Variants in NUP205 observed in about 807,000 individuals in gnomAD.
NUP205 encodes nucleoporin 205, also known as nuclear pore complex protein Nup205.
NUP205 carries 76 observed loss-of-function variants against 253.8 expected under a neutral mutation model. That is an observed-to-expected ratio of 0.30 (90% CI 0.25 to 0.36). The LOEUF (loss-of-function observed/expected upper bound fraction) is 0.36. NUP205 is among the 10% of genes least tolerant of loss of function. The pLI is 1.00. For missense variants in NUP205, 2,162 were observed against 2,425.5 expected, an observed-to-expected ratio of 0.89 and a Z score of 2.28; for synonymous variants, 832 against 850.1, an observed-to-expected ratio of 0.98 and a Z score of 0.37.
rs1794407965 is a variant in NUP205, at chr7:135,618,617, T to TA, written c.3963+18dup. On this transcript the variant is annotated intron_variant, in intron 28 of 42. Transcript: ENST00000285968. Reference sequence around the variant, plus strand: ...GTGCATGATAAGGTGACGTACTTCCTAAAATACTTTATACTGCTGAACGAA... The same window carrying TA: ...GTGCATGATAAGGTGACGTACTTCCTAAAAATACTTTATACTGCTGAACGAA... 6.4e-7 allele frequency: 1 copy of TA among 1,553,530 alleles called. No individual in the cohort carries two copies. Among genetic ancestry groups the TA allele is most frequent in the Admixed American group, 1.9e-5 (1 of 52,884 alleles).
In NUP205 at chr7:135,646,162, C is replaced by T. The variant is rs577788466; in HGVS notation, c.5817C>T (p.Ser1939=). The change falls in exon 42 of 43, where the codon TCC becomes TCT. Residue 1939 remains serine, a synonymous_variant. Transcript: ENST00000285968. The part of the protein sequence containing the change: ...TLFKSRRLQD[S]FASETNLDFR... Reference sequence around the variant, plus strand: ...ACTCTGTTTTTTTATCTCTAGATTCCTTCGCCTCAGAAACCAATCTAGATT... The same window carrying T: ...ACTCTGTTTTTTTATCTCTAGATTCTTTCGCCTCAGAAACCAATCTAGATT... 1.9e-6 allele frequency: 3 copies of T among 1,611,994 alleles called. No homozygotes were observed. The highest frequency in any genetic ancestry group is 1.7e-4 in the Middle Eastern group (1 of 6,058).
Position 135,648,495 on chromosome 7 carries a change from A to G in NUP205, c.5978A>G (p.Tyr1993Cys), listed in dbSNP as rs575747192. The stretch of plus-strand genomic sequence containing the variant: ...TTATATTCAAAAGTTCGATCTCGAT[A>G]TAGTTTCATACAGGCTCTTGTCAGA... ...EGLYSKVRSR[Y>C]SFIQALVRRI... Residue 1993 changes from tyrosine (Y) to cysteine (C), a missense_variant, in exon 43 of 43, where the codon TAT (tyrosine) becomes TGT (cysteine). Physicochemically the swap from Tyr to Cys is radical, Grantham distance 194. Coordinates refer to ENST00000285968, the MANE Select transcript of NUP205 (RefSeq NM_015135.3). 1.2e-6 allele frequency: 2 copies of G among 1,606,968 alleles called. No individual in the cohort carries two copies. Among genetic ancestry groups the G allele is most frequent in the South Asian group, 1.1e-5 (1 of 89,914 alleles).
At chr7:135,581,132 T>G (rs1806292736) in intron 7 of NUP205, among the ~76,000 whole-genome samples, 2 of 152,194 alleles carry the variant, frequency 1.3e-5, no homozygotes, top group East Asian at 3.8e-4. Flanking sequence ...GCAGAAATGG[T>G]CACTTCTTGA....
chr7:135,591,607 A>C lies in NUP205; in HGVS notation c.1624+7A>C. On this transcript the variant is annotated splice_region_variant and intron_variant, in intron 11 of 42. Coordinates refer to ENST00000285968, the MANE Select transcript of NUP205 (RefSeq NM_015135.3). ...GTCAATGGTAGTAGTCATGGTAAGG[A>C]ATATGTGGATGTTGTTAAAGTTTGT... The C allele has an allele frequency of 6.2e-7, 1 of 1,608,258 alleles. No individual in the cohort carries two copies. Among genetic ancestry groups the C allele is most frequent in the East Asian group, 2.2e-5 (1 of 44,832 alleles).
chr7:135,587,816 C>T, intron 9 of NUP205, 39 bp from the exon 10 acceptor site: 1 of 1,576,486 alleles, frequency 6.3e-7, no homozygotes, highest in Non-Finnish European at 8.6e-7. Flanking sequence ...ATTTTTCAGT[C>T]ATAGACATTT....
At chr7:135,581,938 T>G (rs1311139562) in intron 7 of NUP205, among the ~76,000 whole-genome samples, 1 of 152,208 alleles carries the variant, frequency 6.6e-6, no homozygotes, top group Non-Finnish European at 1.5e-5. Context: ...TTTTAGGCAT[T>G]GAAACTCAAT....
chr7:135,603,111 A>G, intron 18 of NUP205, 117 bp downstream of exon 18: 1 of 485,926 alleles, frequency 2.1e-6, no homozygotes, highest in Non-Finnish European at 3.1e-6. Context: ...GCCTCATTTT[A>G]CTTTTTTTTT....
Position 135,648,485 on chromosome 7 carries a change from C to A in NUP205, c.5968C>A (p.Arg1990=), listed in dbSNP as rs1224018943. The part of the protein sequence containing the change: ...LDIEGLYSKV[R]SRYSFIQALV... ...CATTGAAGGATTATATTCAAAAGTT[C>A]GATCTCGATATAGTTTCATACAGGC... The change falls in exon 43 of 43, where the codon CGA becomes AGA. Residue 1990 remains arginine, a synonymous_variant. Transcript: ENST00000285968. 3 of 1,607,248 alleles carry A rather than the reference C, an allele frequency of 1.9e-6. No homozygotes were observed. The highest frequency in any genetic ancestry group is 2.5e-6 in the Non-Finnish European group (3 of 1,177,924).
At chr7:135,645,069 C>A in intron 40 of NUP205, 51 bp downstream of exon 40, 1 of 1,601,610 alleles carries the variant, frequency 6.2e-7, no homozygotes, top group African/African-American at 1.3e-5. Flanking sequence ...AATATAGGAA[C>A]TGTTCACTTA....
rs201567568 is a variant in NUP205 at position 135,614,161 on chromosome 7, C to G, written c.3198C>G (p.Val1066=). ...SPQLAELCYQ[V]IYQLCACSDT... ...TTTTTCTTACTTTAATGCTTTAGGT[C>G]ATATATCAGTTATGTGCATGCTCTG... The change falls in exon 23 of 43, where the codon GTC becomes GTG. Residue 1066 remains valine, a splice_region_variant and synonymous_variant. Coordinates refer to ENST00000285968, the MANE Select transcript of NUP205 (RefSeq NM_015135.3). 6.6e-7 allele frequency: 1 copy of G among 1,524,416 alleles called. No individual in the cohort carries two copies. Among genetic ancestry groups the G allele is most frequent in the Non-Finnish European group, 9.1e-7 (1 of 1,100,420 alleles). The allele number at this position is 1,524,416 out of a possible 1,614,324, so 94.4% of individuals were successfully genotyped here.
chr7:135,643,504 G>A (rs904340463), intron 39 of NUP205, 146 bp downstream of exon 39: 20 of 620,756 alleles, frequency 3.2e-5, no homozygotes, highest in Middle Eastern at 4.3e-4. Context: ...AGACTCCTTC[G>A]CCGTAGCACC....
intron 1 of NUP205, among the ~76,000 whole-genome samples, chr7:135,560,918 G>T (rs11535331): frequency 0.23 from 34,231 of 152,088 alleles, 4,513 homozygotes; most frequent in East Asian, 0.55. Context: ...TGAATACACT[G>T]AACACTGCTG....
chr7:135,609,355 G>T (rs1249968622), intron 22 of NUP205, among the ~76,000 whole-genome samples: 2 of 151,976 alleles, frequency 1.3e-5, no homozygotes, highest in African/African-American at 4.8e-5. Flanking sequence ...GCTGGCACCT[G>T]TGGTCCCAGC....
chr7:135,627,409 A>T (rs547474929), intron 33 of NUP205, among the ~76,000 whole-genome samples: 15 of 152,168 alleles, frequency 9.9e-5, no homozygotes, highest in African/African-American at 3.4e-4. Context: ...TGCCAATATG[A>T]TGCTCAAAGG....
chr7:135,646,281 G>A lies in NUP205; in HGVS notation c.5886+50G>A, dbSNP rs1178157584. 7 of 1,312,070 alleles carry A rather than the reference G, an allele frequency of 5.3e-6. No individual in the cohort carries two copies. In the South Asian group the frequency reaches 7.1e-5, roughly 13 times the overall value. 81.3% of individuals were successfully genotyped at this position (1,312,070 alleles called of 1,614,324 possible). A position where few individuals can be genotyped will look rare whatever the true frequency, so the allele number is the denominator to read the frequency against. ...TTATTTTTCTTCATTAAAGTAAAAG[G>A]GCTGGGTGTGATGGTACACATCTGT... On this transcript the variant is annotated intron_variant, in intron 42 of 42. Coordinates refer to ENST00000285968, the MANE Select transcript of NUP205 (RefSeq NM_015135.3).
intron 1 of NUP205, among the ~76,000 whole-genome samples, chr7:135,560,036 T>C (rs1482520633): frequency 6.6e-6 from 1 of 152,072 alleles, no homozygotes; most frequent in Non-Finnish European, 1.5e-5. Context: ...TTTTTTGTAT[T>C]TGTAGTAGAG....
At chr7:135,641,739 G>GAGCCCAGGAGGGTGAGTTTA (rs1554468939) in intron 38 of NUP205, among the ~76,000 whole-genome samples, 1 of 151,798 alleles carries the variant, frequency 6.6e-6, no homozygotes, top group African/African-American at 2.4e-5. Flanking sequence ...GGTTGAGGTT[G>GAGCCCAGGAGGGTGAGTTTA]CAGTGATCCC....
chr7:135,563,824 A>G (rs1805664496), intron 1 of NUP205, among the ~76,000 whole-genome samples: 2 of 151,962 alleles, frequency 1.3e-5, no homozygotes, highest in South Asian at 4.1e-4. Flanking sequence ...AGTTCTACAA[A>G]AAATACAAAA....
At chr7:135,577,406 A>G (rs1404376614) in intron 5 of NUP205, among the ~76,000 whole-genome samples, 1 of 152,194 alleles carries the variant, frequency 6.6e-6, no homozygotes, top group Non-Finnish European at 1.5e-5. Context: ...TGTGTTGGGA[A>G]CATTCAAAAT....
Sources: allele counts gnomAD v4.1 joint callset (sites outside exome capture counted in the v4.1 genomes callset), GRCh38; gene constraint gnomAD v4.1.1; transcripts MANE v1.5; gene names NCBI Gene and HGNC (gene_info 2026-07-23, HGNC 2026-07-21).